The following TANC2 variants were observed in gnomAD, a reference collection of about 807,000 sequenced individuals.
TANC2 encodes protein TANC2.
TANC2 carries 26 observed loss-of-function variants against 210.5 expected under a neutral mutation model. That is an observed-to-expected ratio of 0.12 (90% CI 0.09 to 0.17). TANC2 has a LOEUF of 0.17. Ranked by LOEUF, TANC2 falls within the 10% of genes least tolerant of loss-of-function variation. The pLI is 1.00. For synonymous variants in TANC2, 931 were observed against 967.1 expected, an observed-to-expected ratio of 0.96 and a Z score of 0.69; for missense variants, 2,129 against 2,608.9, an observed-to-expected ratio of 0.82 and a Z score of 4.01.
intron 1 of TANC2, among the ~76,000 whole-genome samples, chr17:62,973,359 C>T (rs943004979): frequency 1.3e-5 from 2 of 152,180 alleles, no homozygotes; most frequent in African/African-American, 4.8e-5. Flanking sequence ...TTTAATATGA[C>T]TGGTTCATCA....
chr17:63,002,883 G>A (rs1347503685), intron 1 of TANC2, among the ~76,000 whole-genome samples: 1 of 152,124 alleles, frequency 6.6e-6, no homozygotes, highest in Non-Finnish European at 1.5e-5. Context: ...TTCGTCTGTT[G>A]ATGGACACCT....
intron 3 of TANC2, among the ~76,000 whole-genome samples, chr17:63,089,611 T>C (rs1051137661): frequency 1.3e-5 from 2 of 152,212 alleles, no homozygotes; most frequent in African/African-American, 4.8e-5. Flanking sequence ...AAACTTTCTC[T>C]GCTTAATTTT....
chr17:63,199,319 A>C (rs1387814979), intron 6 of TANC2, among the ~76,000 whole-genome samples: 1 of 152,162 alleles, frequency 6.6e-6, no homozygotes, highest in Non-Finnish European at 1.5e-5. Context: ...TCACTTAATA[A>C]TTTTAAAAAC....
intron 17 of TANC2, chr17:63,390,859 T>G (rs2047947786): frequency 6.6e-6 from 1 of 152,260 alleles, no homozygotes; most frequent in East Asian, 1.9e-4. Context: ...TTCTTCATCT[T>G]TCATTGTTTT....
At chr17:63,192,606 G>A (rs2041222266) in intron 5 of TANC2, among the ~76,000 whole-genome samples, 1 of 152,154 alleles carries the variant, frequency 6.6e-6, no homozygotes, top group African/African-American at 2.4e-5. Flanking sequence ...GAGTCAGGGA[G>A]CTCAAGTTCT....
chr17:63,338,294 A>G (rs2046105117), intron 11 of TANC2, among the ~76,000 whole-genome samples: 1 of 152,214 alleles, frequency 6.6e-6, no homozygotes, highest in South Asian at 2.1e-4. Context: ...CAACTTCAGC[A>G]TTGTCTTTTA....
exon 12 of TANC2, chr17:63,340,227 C>G (rs746776222): frequency 1.9e-6 from 3 of 1,613,924 alleles, no homozygotes; most frequent in Non-Finnish European, 2.5e-6. Context: ...GCAGCTTCTT[C>G]GGGAACCTCA....
intron 2 of TANC2, among the ~76,000 whole-genome samples, chr17:63,029,662 A>G (rs558380222): frequency 1.8e-4 from 27 of 151,888 alleles, no homozygotes; most frequent in African/African-American, 6.3e-4. Context: ...TTCACTCCAC[A>G]GAGATTTTTT....
intron 2 of TANC2, among the ~76,000 whole-genome samples, chr17:63,012,286 A>G (rs2033910002): frequency 6.6e-6 from 1 of 152,042 alleles, no homozygotes; most frequent in Non-Finnish European, 1.5e-5. Context: ...CTTCCAAAGT[A>G]TTGGGATTAC....
At chr17:63,083,865 C>A (rs1350216975) in intron 3 of TANC2, among the ~76,000 whole-genome samples, 6 of 152,046 alleles carry the variant, frequency 3.9e-5, no homozygotes. Flanking sequence ...TGTGTAATTC[C>A]TTTTATACAT....
intron 9 of TANC2, among the ~76,000 whole-genome samples, chr17:63,279,740 C>T (rs2044003506): frequency 6.6e-6 from 1 of 152,114 alleles, no homozygotes; most frequent in Non-Finnish European, 1.5e-5. Flanking sequence ...CAACAAGGAA[C>T]ATAGTGTTTT....
intron 5 of TANC2, among the ~76,000 whole-genome samples, chr17:63,181,122 C>T (rs1254888486): frequency 6.6e-6 from 1 of 150,846 alleles, no homozygotes; most frequent in Non-Finnish European, 1.5e-5. Flanking sequence ...TTTGCAATGT[C>T]ACAGAGCCGC....
chr17:63,351,944 TTTG>T (rs1228944019), intron 13 of TANC2, among the ~76,000 whole-genome samples: 2 of 152,060 alleles, frequency 1.3e-5, no homozygotes, highest in African/African-American at 2.4e-5. Context: ...AGAGAAGGTT[TTTG>T]TTGTTGTTGT....
chr17:63,249,659 CTA>C (rs995256050), intron 8 of TANC2, among the ~76,000 whole-genome samples: 5 of 152,120 alleles, frequency 3.3e-5, no homozygotes, highest in Non-Finnish European at 7.4e-5. Context: ...GAACGGGAAT[CTA>C]GGGGGATTTA....
intron 9 of TANC2, among the ~76,000 whole-genome samples, chr17:63,273,552 T>C (rs560105796): frequency 6.6e-6 from 1 of 152,300 alleles, no homozygotes; most frequent in South Asian, 2.1e-4. Flanking sequence ...CTCTTAGTAC[T>C]GTAAATATAG....
chr17:63,100,314 A>G (rs552243719), intron 4 of TANC2, among the ~76,000 whole-genome samples: 1 of 149,166 alleles, frequency 6.7e-6, no homozygotes, highest in African/African-American at 2.4e-5. Context: ...AAATAATAGC[A>G]TTTCTTCTAT....
chr17:63,005,341 A>G (rs190229179), intron 1 of TANC2, among the ~76,000 whole-genome samples: 1 of 152,294 alleles, frequency 6.6e-6, no homozygotes, highest in African/African-American at 2.4e-5. Context: ...TCAACAAGAA[A>G]GAGCTGTAGA....
intron 5 of TANC2, among the ~76,000 whole-genome samples, chr17:63,172,025 T>C (rs959108743): frequency 1.8e-4 from 27 of 152,286 alleles, no homozygotes; most frequent in African/African-American, 6.0e-4. Context: ...TTGGTTAAAA[T>C]TTATTCTATA....
chr17:63,211,822 A>C (rs766368106), intron 7 of TANC2, among the ~76,000 whole-genome samples: 14 of 152,206 alleles, frequency 9.2e-5, no homozygotes, highest in Non-Finnish European at 2.1e-4. Context: ...AAAGAAGGAA[A>C]GCTTAATGAT....
Sources: gnomAD v4.1 joint callset for allele counts (sites outside exome capture counted in the v4.1 genomes callset) on GRCh38, gnomAD v4.1.1 for gene constraint, MANE v1.5 for transcripts, NCBI Gene and HGNC (gene_info 2026-07-23, HGNC 2026-07-21) for gene names.